Variants in LDB3 observed in about 807,000 individuals in gnomAD.
LDB3 encodes the protein LIM domain-binding protein 3.
A neutral mutation model predicts 69.0 loss-of-function variants in LDB3; 49 were observed. The observed-to-expected ratio is 0.71, with a 90% CI of 0.56 to 0.90. The LOEUF (loss-of-function observed/expected upper bound fraction) is 0.90, where lower values mean the gene tolerates loss of function less well. LDB3 is among the 40% of genes least tolerant of loss of function. The pLI, the probability that LDB3 is intolerant of heterozygous loss-of-function variation, is 0.00. For missense variants in LDB3, 928 were observed against 974.1 expected (o/e 0.95, Z 0.63); for synonymous variants, 387 against 396.2 (o/e 0.98, Z 0.28).
intron 5 of LDB3, among the ~76,000 whole-genome samples, chr10:86,686,069 G>A (rs1431810529): frequency 1.3e-5 from 2 of 152,156 alleles, no homozygotes; most frequent in African/African-American, 4.8e-5. Context: ...CCTCAGAAGG[G>A]CTGCACTGGA....
At chr10:86,730,879 G>A (rs970083988) in intron 13 of LDB3, among the ~76,000 whole-genome samples, 19 of 152,142 alleles carry the variant, frequency 1.2e-4, no homozygotes, top group African/African-American at 3.9e-4. Flanking sequence ...TGGGCTGGGC[G>A]TGGTGGCTCA....
intron 2 of LDB3, among the ~76,000 whole-genome samples, chr10:86,669,968 C>A (rs1219613501): frequency 6.6e-6 from 1 of 152,190 alleles, no homozygotes; most frequent in Non-Finnish European, 1.5e-5. Context: ...AGGGGCTTGG[C>A]AGAGGGGCCA....
chr10:86,733,916 G>A lies in LDB3; in HGVS notation c.*940G>A, dbSNP rs1847552957. 6.6e-6 allele frequency: 1 copy of A among 152,208 alleles called. No individual in the cohort carries two copies. The allele number at this position is 152,208 out of a possible 1,614,324, so 9.4% of individuals were successfully genotyped here. On this transcript the variant is annotated 3_prime_UTR_variant, in exon 14 of 14. Coordinates refer to ENST00000361373, the MANE Select transcript of LDB3 (RefSeq NM_007078.3). ...CTGCTCACTTATGACGTCTCCCCCA[G>A]TACCCTCCATCTCAAATAGGCTTGG...
intron 7 of LDB3, among the ~76,000 whole-genome samples, chr10:86,696,285 G>C (rs1205907922): frequency 6.6e-6 from 1 of 152,140 alleles, no homozygotes; most frequent in Non-Finnish European, 1.5e-5. Flanking sequence ...CCCGCCAATG[G>C]GCCCCTTGTA....
In LDB3 at chr10:86,681,748, C is replaced by A; in HGVS notation, c.634C>A (p.Gln212Lys). 1 of 1,603,090 alleles carries A rather than the reference C, an allele frequency of 6.2e-7. No individual in the cohort carries two copies. The highest frequency in any genetic ancestry group is 1.1e-5 in the South Asian group (1 of 89,702). ...GGCAGAGACCCTGAGGGAGATGGCT[C>A]AGATGTACCAGATGAGCCTCCGAGG... The part of the protein sequence containing the change: ...YSAETLREMA[Q>K]MYQMSLRGKA... The change falls in exon 5 of 14, where the codon CAG becomes AAG. Residue 212 changes from glutamine (Q) to lysine (K), a missense_variant. Coordinates refer to ENST00000361373, the MANE Select transcript of LDB3 (RefSeq NM_007078.3).
intron 2 of LDB3, among the ~76,000 whole-genome samples, chr10:86,669,447 A>G (rs1335265270): frequency 6.6e-6 from 1 of 152,170 alleles, no homozygotes; most frequent in Non-Finnish European, 1.5e-5. Context: ...AGTGTCTGTG[A>G]TGGGGAGCAG....
chr10:86,684,463 T>C (rs7908743), intron 5 of LDB3, among the ~76,000 whole-genome samples: 92,619 of 152,248 alleles, frequency 0.61, 29,240 homozygotes, highest in Non-Finnish European at 0.71. Flanking sequence ...GGGCAAGAGA[T>C]GACCCTGCAG....
At chr10:86,687,817 G>A (rs894261453) in intron 5 of LDB3, among the ~76,000 whole-genome samples, 28 of 152,248 alleles carry the variant, frequency 1.8e-4, no homozygotes, top group African/African-American at 6.8e-4. Context: ...CAAGGCAGTG[G>A]CATTTAAGAC....
rs754393211 is a variant in LDB3, at chr10:86,699,237, G to GTT, written c.896+6668_896+6669dup. The GTT allele has an allele frequency of 1.0e-5, 15 of 1,461,852 alleles. No individual in the cohort carries two copies. The highest frequency in any genetic ancestry group is 6.8e-5 in the South Asian group (6 of 87,782). The allele number at this position is 1,461,852 out of a possible 1,614,324, so 90.6% of individuals were successfully genotyped here. A position where few individuals can be genotyped will look rare whatever the true frequency, so the allele number is the denominator to read the frequency against. On this transcript the variant is annotated intron_variant, in intron 7 of 13. Transcript: ENST00000361373. This position sits in a 1 kb window ranked among gnomAD's most constrained non-coding sequence, Gnocchi z 4.9. ...TCTCTCTCTTTCTGTCTCTGTCTCT[G>GTT]TTTCTCTCTCTCTCTCTCTCTCTCT...
intron 5 of LDB3, among the ~76,000 whole-genome samples, chr10:86,688,634 C>A (rs1366156548): frequency 6.6e-6 from 1 of 152,184 alleles, no homozygotes; most frequent in Non-Finnish European, 1.5e-5. Context: ...TTTACAAACA[C>A]AAGCATTAGC....
At chr10:86,712,953 C>G (rs1413806447) in intron 9 of LDB3, among the ~76,000 whole-genome samples, 1 of 151,842 alleles carries the variant, frequency 6.6e-6, no homozygotes, top group Admixed American at 6.6e-5. Context: ...CCCAGCTACT[C>G]GGGAGGCTAT....
intron 2 of LDB3, among the ~76,000 whole-genome samples, chr10:86,672,568 C>T (rs1054181355): frequency 6.6e-6 from 1 of 152,190 alleles, no homozygotes; most frequent in Non-Finnish European, 1.5e-5. Flanking sequence ...TGTTTATAGC[C>T]GCACTGAAGG....
chr10:86,705,751 G>A (rs1846416313), intron 7 of LDB3, among the ~76,000 whole-genome samples: 1 of 152,218 alleles, frequency 6.6e-6, no homozygotes, highest in African/African-American at 2.4e-5. Flanking sequence ...TCAGGACCAT[G>A]TTCTTGTCAC....
intron 13 of LDB3, among the ~76,000 whole-genome samples, chr10:86,728,942 AT>A (rs11394900): frequency 0.012 from 1,708 of 145,296 alleles, 18 homozygotes; most frequent in African/African-American, 0.027. Context: ...GACTTGAGGG[AT>A]TTTTTTTTTT....
Position 86,732,895 on chromosome 10 carries a change from T to C in LDB3, c.2103T>C (p.His701=), listed in dbSNP as rs1279807211. The change falls in exon 14 of 14, where the codon CAT becomes CAC. Residue 701 remains histidine (H), a synonymous_variant. Coordinates refer to ENST00000361373, the MANE Select transcript of LDB3 (RefSeq NM_007078.3). The stretch of plus-strand genomic sequence containing the variant: ...TCTGTTCTCTGCTCCAGGTCTGCCA[T>C]GTGAATCTGGAGGGGCAGCCGTTCT... ...HDTCFICAVC[H]VNLEGQPFYS... is the part of the protein sequence containing the mutation. The C allele has an allele frequency of 1.9e-6, 3 of 1,613,404 alleles. No individual in the cohort carries two copies. Among genetic ancestry groups the C allele is most frequent in the African/African-American group, 1.3e-5 (1 of 74,920 alleles).
intron 8 of LDB3, among the ~76,000 whole-genome samples, chr10:86,707,101 A>G (rs1846474830): frequency 6.6e-6 from 1 of 152,164 alleles, no homozygotes; most frequent in Non-Finnish European, 1.5e-5. Context: ...TTGTTCCTGG[A>G]ACTCAAATTA....
intron 2 of LDB3, among the ~76,000 whole-genome samples, chr10:86,678,725 C>T (rs1844943434): frequency 6.6e-6 from 1 of 152,176 alleles, no homozygotes; most frequent in South Asian, 2.1e-4. Context: ...ATTGTAACCT[C>T]AAACTCCTAG....
intron 7 of LDB3, 24 bp downstream of exon 7, chr10:86,692,595 G>A (rs762867831): frequency 6.2e-7 from 1 of 1,611,844 alleles, no homozygotes; most frequent in Non-Finnish European, 8.5e-7. Context: ...CTCAGGCTCT[G>A]TGGCCTTGCC....
At chr10:86,673,712 G>A (rs865954502) in intron 2 of LDB3, among the ~76,000 whole-genome samples, 14 of 152,150 alleles carry the variant, frequency 9.2e-5, no homozygotes, top group African/African-American at 3.4e-4. Flanking sequence ...CAGGCAGCCT[G>A]GGAGTGTGGG....
Sources: gnomAD v4.1 joint callset for allele counts (sites outside exome capture counted in the v4.1 genomes callset) on GRCh38, gnomAD v4.1.1 for gene constraint, Gnocchi (gnomAD v3.1) non-coding constraint, MANE v1.5 for transcripts, NCBI Gene and HGNC (gene_info 2026-07-23, HGNC 2026-07-21) for gene names.